Variants in GRAMD2B observed in about 807,000 individuals in gnomAD.
GRAMD2B encodes the protein GRAM domain containing 2B, also known as GRAM domain-containing protein 2B.
GRAMD2B carries 41 observed loss-of-function variants against 59.2 expected under a neutral mutation model. The ratio of observed to expected loss-of-function variants is 0.69; its 90% CI spans 0.54 to 0.90. GRAMD2B has a LOEUF of 0.90. Ranked by LOEUF, GRAMD2B falls within the 40% of genes least tolerant of loss-of-function variation. The probability of loss-of-function intolerance (pLI) is 0.00; values close to 1 mark genes in which losing one functional copy is unlikely to be tolerated. For synonymous variants in GRAMD2B, 161 were observed against 182.7 expected, an observed-to-expected ratio of 0.88 and a Z score of 0.96; for missense variants, 424 against 500.5, an observed-to-expected ratio of 0.85 and a Z score of 1.46.
intron 1 of GRAMD2B, among the ~76,000 whole-genome samples, chr5:126,395,777 C>T (rs932266884): frequency 1.3e-5 from 2 of 151,776 alleles, no homozygotes; most frequent in Admixed American, 6.6e-5. Flanking sequence ...TGTGTGTGTG[C>T]GCGCATGCAC....
chr5:126,454,746 G>T (rs1765973407), intron 1 of GRAMD2B, among the ~76,000 whole-genome samples: 1 of 152,092 alleles, frequency 6.6e-6, no homozygotes, highest in African/African-American at 2.4e-5. Context: ...CATTTCTCTA[G>T]CCCTGCTATT....
chr5:126,373,974 C>T (rs1288043586), intron 1 of GRAMD2B, among the ~76,000 whole-genome samples: 1 of 152,186 alleles, frequency 6.6e-6, no homozygotes, highest in African/African-American at 2.4e-5. Flanking sequence ...AGTGTCATAA[C>T]GTGACATTCA....
chr5:126,388,973 G>C (rs1318507046), intron 1 of GRAMD2B, among the ~76,000 whole-genome samples: 1 of 152,094 alleles, frequency 6.6e-6, no homozygotes, highest in Admixed American at 6.6e-5. Context: ...ATATATGCAT[G>C]TAAGAAACCT....
chr5:126,375,813 T>A (rs1272754164), intron 1 of GRAMD2B, among the ~76,000 whole-genome samples: 1 of 152,226 alleles, frequency 6.6e-6, no homozygotes, highest in African/African-American at 2.4e-5. Context: ...ATCAGCTGTT[T>A]TCAGATTAAA....
chr5:126,442,611 T>G (rs1393338307), intron 1 of GRAMD2B, among the ~76,000 whole-genome samples: 1 of 152,144 alleles, frequency 6.6e-6, no homozygotes, highest in Non-Finnish European at 1.5e-5. Flanking sequence ...TTTCCTAATG[T>G]GTATTTACAT....
chr5:126,372,954 A>G (rs1156347782), intron 1 of GRAMD2B, among the ~76,000 whole-genome samples: 1 of 152,182 alleles, frequency 6.6e-6, no homozygotes, highest in Non-Finnish European at 1.5e-5. Context: ...CAAATACAAA[A>G]TACATAAAGT....
chr5:126,474,431 T>TA (rs1770188870), intron 5 of GRAMD2B, among the ~76,000 whole-genome samples: 1 of 152,244 alleles, frequency 6.6e-6, no homozygotes, highest in Non-Finnish European at 1.5e-5. Flanking sequence ...ATTGATTTTT[T>TA]ATCATATAGA....
intron 8 of GRAMD2B, 154 bp downstream of exon 8, chr5:126,480,861 G>A: frequency 1.6e-6 from 1 of 644,416 alleles, no homozygotes; most frequent in Non-Finnish European, 2.7e-6. Context: ...CCTTGAAGAA[G>A]AGGAAACCAT....
chr5:126,412,293 A>T (rs1213470053), intron 1 of GRAMD2B, among the ~76,000 whole-genome samples: 1 of 152,068 alleles, frequency 6.6e-6, no homozygotes, highest in African/African-American at 2.4e-5. Context: ...TTTGATGCCT[A>T]GTTTCTTAAG....
chr5:126,475,890 C>A (rs1460250021), intron 5 of GRAMD2B, among the ~76,000 whole-genome samples: 1 of 152,178 alleles, frequency 6.6e-6, no homozygotes, highest in Non-Finnish European at 1.5e-5. Context: ...AGGCGGATTA[C>A]CTGAGGTCAG....
chr5:126,465,941 C>A (rs186320332), intron 2 of GRAMD2B, among the ~76,000 whole-genome samples: 1 of 152,136 alleles, frequency 6.6e-6, no homozygotes, highest in African/African-American at 2.4e-5. Context: ...CGGGGACCCA[C>A]CAGGCCACCA....
chr5:126,434,408 A>C (rs1762060706), intron 1 of GRAMD2B, among the ~76,000 whole-genome samples: 1 of 152,196 alleles, frequency 6.6e-6, no homozygotes. Flanking sequence ...ATTTGTATAG[A>C]CATCACACTT....
intron 8 of GRAMD2B, among the ~76,000 whole-genome samples, chr5:126,482,233 A>G (rs1179261171): frequency 6.6e-6 from 1 of 152,212 alleles, no homozygotes; most frequent in Non-Finnish European, 1.5e-5. Context: ...TGATGGAAAT[A>G]TTCCAGAACA....
upstream of GRAMD2B, among the ~76,000 whole-genome samples, chr5:126,367,084 T>G (rs1306076508): frequency 2.6e-5 from 4 of 151,986 alleles, no homozygotes; most frequent in African/African-American, 7.2e-5. Context: ...CTCGAACTCT[T>G]TATCTCAGGT....
chr5:126,400,824 T>C (rs75428233), intron 1 of GRAMD2B, among the ~76,000 whole-genome samples: 1,535 of 152,280 alleles, frequency 0.01, 41 homozygotes, highest in African/African-American at 0.036. Flanking sequence ...GATAGTCTTA[T>C]ATACATTCCC....
chr5:126,466,689 G>A (rs986443902), intron 2 of GRAMD2B, among the ~76,000 whole-genome samples: 9 of 152,172 alleles, frequency 5.9e-5, no homozygotes, highest in African/African-American at 2.2e-4. Context: ...GCCTCCCAAA[G>A]GGCCAGCATC....
Position 126,484,549 on chromosome 5 carries a change from G to T in GRAMD2B, c.970+25G>T, listed in dbSNP as rs181926530. On this transcript the variant is annotated intron_variant, in intron 10 of 13. Coordinates refer to ENST00000285689, the MANE Select transcript of GRAMD2B (RefSeq NM_023927.4). ...GGTAAGGAATGGATGTCTCAGGGGG[G>T]TGGGTTTAGAAGGATTGGAGATGTC... 8 of 1,594,170 alleles carry T rather than the reference G, an allele frequency of 5.0e-6. No homozygotes were observed. In the East Asian group the frequency reaches 1.6e-4, roughly 31 times the overall value.
At chr5:126,484,686 C>A (rs1217392656) in intron 10 of GRAMD2B, among the ~76,000 whole-genome samples, 162 bp downstream of exon 10, 12 of 151,966 alleles carry the variant, frequency 7.9e-5, no homozygotes, top group Admixed American at 7.9e-4. Flanking sequence ...TGGATTCAAG[C>A]GATTCTCGTA....
intron 1 of GRAMD2B, among the ~76,000 whole-genome samples, chr5:126,431,424 T>C (rs4639225): frequency 0.31 from 46,761 of 152,058 alleles, 7,300 homozygotes; most frequent in African/African-American, 0.33. Context: ...CATTAGAATA[T>C]GATCTTATGG....
Sources: gnomAD v4.1 joint callset for allele counts (sites outside exome capture counted in the v4.1 genomes callset) on GRCh38, gnomAD v4.1.1 for gene constraint, MANE v1.5 for transcripts, NCBI Gene and HGNC (gene_info 2026-07-23, HGNC 2026-07-21) for gene names.